Variants in PCDHA10 observed in about 807,000 individuals in gnomAD.
The protein encoded by PCDHA10 is protocadherin alpha-10.
In PCDHA10, 45 loss-of-function variants were observed where a neutral mutation model predicts 61.2. The ratio of observed to expected loss-of-function variants is 0.74; its 90% CI spans 0.58 to 0.94. PCDHA10 has a LOEUF of 0.94. Ranked by LOEUF, PCDHA10 falls within the 40% of genes least tolerant of loss-of-function variation. The pLI, the probability that PCDHA10 is intolerant of heterozygous loss-of-function variation, is 0.00. For missense variants in PCDHA10, 1,278 were observed against 1,236.2 expected (o/e 1.03, Z -0.51); for synonymous variants, 602 against 548.8 (o/e 1.10, Z -1.35).
chr5:140,995,918 G>A (rs1303145667), intron 3 of PCDHA10, among the ~76,000 whole-genome samples: 1 of 152,180 alleles, frequency 6.6e-6, no homozygotes, highest in Non-Finnish European at 1.5e-5. Flanking sequence ...GAGACCATAG[G>A]CTGTTGTAAG....
chr5:140,941,255 C>CTTTCTTTCTTTCTTTCTTTCTCTT (rs782490896), intron 1 of PCDHA10, among the ~76,000 whole-genome samples: 1 of 44,508 alleles, frequency 2.2e-5, no homozygotes, highest in Non-Finnish European at 5.1e-5. Flanking sequence ...TTCTTTCTTT[C>CTTTCTTTCTTTCTTTCTTTCTCTT]TCTTTCTTTC....
At chr5:141,007,000 G>A (rs2098298646) in intron 3 of PCDHA10, among the ~76,000 whole-genome samples, 1 of 152,128 alleles carries the variant, frequency 6.6e-6, no homozygotes, top group South Asian at 2.1e-4. Flanking sequence ...ATATAAGTCT[G>A]CATCTCATCA....
At chr5:140,939,672 A>T (rs573857311) in intron 1 of PCDHA10, among the ~76,000 whole-genome samples, 1 of 152,314 alleles carries the variant, frequency 6.6e-6, no homozygotes, top group Non-Finnish European at 1.5e-5. Context: ...ACCAACTTGT[A>T]TGTATGTGTG....
intron 1 of PCDHA10, among the ~76,000 whole-genome samples, chr5:140,912,063 A>C (rs1458411803): frequency 6.6e-6 from 1 of 152,214 alleles, no homozygotes; most frequent in Non-Finnish European, 1.5e-5. Context: ...CTTGGAGTCC[A>C]ATGTTCAAGG....
intron 1 of PCDHA10, among the ~76,000 whole-genome samples, chr5:140,922,137 T>A (rs1235551628): frequency 2.0e-5 from 3 of 151,994 alleles, no homozygotes; most frequent in African/African-American, 7.3e-5. Context: ...TCTCTTATCC[T>A]CCATGAAACT....
chr5:140,871,072 G>T, intron 1 of PCDHA10: 1 of 1,613,238 alleles, frequency 6.2e-7, no homozygotes, highest in South Asian at 1.1e-5. Context: ...CGGTGAGCCG[G>T]CGCTGACGGC....
At chr5:140,998,122 A>G (rs2097797315) in intron 3 of PCDHA10, among the ~76,000 whole-genome samples, 1 of 152,214 alleles carries the variant, frequency 6.6e-6, no homozygotes, top group Admixed American at 6.5e-5. Flanking sequence ...TTACTTGTGA[A>G]TCATAATAGC....
Position 140,857,533 on chromosome 5 carries a change from G to T in PCDHA10, c.1485G>T (p.Glu495Asp). Residue 495 changes from glutamate (E) to aspartate (D), a missense_variant, in exon 1 of 4, where the codon GAG (glutamate) becomes GAT (aspartate). Coordinates refer to ENST00000307360, the MANE Select transcript of PCDHA10 (RefSeq NM_018901.4). Reference sequence around the variant, plus strand: ...CCCTGGTGTCCTACTCTCTGGTGGAGCGGCGGTTGGGCGAGCGCTCGCTGT... The same window carrying T: ...CCCTGGTGTCCTACTCTCTGGTGGATCGGCGGTTGGGCGAGCGCTCGCTGT... ...ENALVSYSLV[E>D]RRLGERSLSS... 1 of 1,597,578 alleles carries T rather than the reference G, an allele frequency of 6.3e-7. No individual in the cohort carries two copies.
chr5:140,938,385 A>G (rs952402645), intron 1 of PCDHA10, among the ~76,000 whole-genome samples: 8 of 152,202 alleles, frequency 5.3e-5, no homozygotes, highest in Admixed American at 2.6e-4. Flanking sequence ...TAAATATTTA[A>G]TATGAAATAC....
At chr5:140,967,051 G>C in intron 1 of PCDHA10, 2 of 1,612,562 alleles carry the variant, frequency 1.2e-6, no homozygotes, top group Non-Finnish European at 1.7e-6. Context: ...TGGACCTGAC[G>C]AGTGGAGCGC....
At position 140,982,472 on chromosome 5, in the gene PCDHA10, C is replaced by T; in HGVS notation, c.2448-3C>T. The stretch of plus-strand genomic sequence containing the variant: ...CGTTATCTGGGTCTGTGTGTTTATT[C>T]AGCTCTGTGCACCTAGAGGAGGCTG... On this transcript the variant is annotated splice_polypyrimidine_tract_variant and splice_region_variant and intron_variant, in intron 2 of 3. Transcript: ENST00000307360. The T allele has an allele frequency of 3.1e-6, 5 of 1,614,144 alleles. No individual in the cohort carries two copies. Among genetic ancestry groups the T allele is most frequent in the Non-Finnish European group, 4.2e-6 (5 of 1,180,022 alleles).
At chr5:140,968,990 T>C in intron 1 of PCDHA10, 1 of 1,614,254 alleles carries the variant, frequency 6.2e-7, no homozygotes, top group Non-Finnish European at 8.5e-7. Flanking sequence ...CACTGCATGC[T>C]GTGGAGGCTT....
At chr5:140,880,870 G>T (rs1413243877) in intron 1 of PCDHA10, among the ~76,000 whole-genome samples, 1 of 152,142 alleles carries the variant, frequency 6.6e-6, no homozygotes, top group East Asian at 1.9e-4. Context: ...ATGTGAAGAG[G>T]TAAATAAAGA....
At chr5:140,985,127 C>T (rs986497777) in intron 3 of PCDHA10, among the ~76,000 whole-genome samples, 7 of 152,152 alleles carry the variant, frequency 4.6e-5, no homozygotes, top group Non-Finnish European at 1.0e-4. Flanking sequence ...TTAGTAAAGA[C>T]GGGGTTTCAC....
chr5:140,973,754 G>A (rs2096600951), intron 1 of PCDHA10, among the ~76,000 whole-genome samples: 1 of 152,198 alleles, frequency 6.6e-6, no homozygotes, highest in South Asian at 2.1e-4. Flanking sequence ...CACTCTGCAG[G>A]GACACAGCCT....
chr5:140,856,074 G>A lies in PCDHA10; in HGVS notation c.26G>A (p.Gly9Glu). ...ATGGTTTCCAGATGTAGCTGCCTGG[G>A]GGTCCAGTGTCTGCTGCTCTCGCTT... is the stretch of plus-strand genomic sequence containing the variant. MVSRCSCL[G>E]VQCLLLSLLL... Residue 9 changes from glycine (G) to glutamate (E), a missense_variant, in exon 1 of 4, where the codon GGG becomes GAG. Gly to Glu is a moderately conservative substitution (Grantham distance 98). Transcript: ENST00000307360. 6.3e-7 allele frequency: 1 copy of A among 1,592,254 alleles called. No individual in the cohort carries two copies. Among genetic ancestry groups the A allele is most frequent in the Non-Finnish European group, 8.6e-7 (1 of 1,163,872 alleles).
chr5:140,925,100 A>AGGAG (rs1217709299), intron 1 of PCDHA10, among the ~76,000 whole-genome samples: 12 of 151,586 alleles, frequency 7.9e-5, no homozygotes, highest in Admixed American at 1.3e-4. Context: ...GAAGGAAGGA[A>AGGAG]GGAAGGAGGG....
chr5:140,876,055 G>A (rs782670279), intron 1 of PCDHA10: 2 of 1,613,934 alleles, frequency 1.2e-6, no homozygotes, highest in Non-Finnish European at 1.7e-6. Context: ...GCCTGAATTA[G>A]TTCTTCGGAA....
At chr5:140,869,180 T>TG in intron 1 of PCDHA10, 1 of 1,613,322 alleles carries the variant, frequency 6.2e-7, no homozygotes. Context: ...TTCTGGGAGG[T>TG]GGGGAGCGGC....
Sources: allele counts gnomAD v4.1 joint callset (sites outside exome capture counted in the v4.1 genomes callset), GRCh38; gene constraint gnomAD v4.1.1; transcripts MANE v1.5; gene names NCBI Gene and HGNC (gene_info 2026-07-23, HGNC 2026-07-21).